Variants in PRELID2 observed in about 807,000 individuals in gnomAD.
The protein encoded by PRELID2 is PRELI domain containing 2.
PRELID2 carries 25 observed loss-of-function variants against 28.4 expected under a neutral mutation model. The observed-to-expected ratio is 0.88, with a 90% confidence interval of 0.64 to 1.23. The LOEUF (loss-of-function observed/expected upper bound fraction) is 1.23. PRELID2 is among the 50% of genes most tolerant of loss of function. The pLI is 0.00. For synonymous variants in PRELID2, 76 were observed against 71.6 expected, an observed-to-expected ratio of 1.06 and a Z score of -0.31; for missense variants, 201 against 214.4, an observed-to-expected ratio of 0.94 and a Z score of 0.39.
chr5:145,536,402 T>C (rs1752698821), intron 1 of PRELID2, among the ~76,000 whole-genome samples: 1 of 151,982 alleles, frequency 6.6e-6, no homozygotes, highest in African/African-American at 2.4e-5. Context: ...TTTTGCTCAT[T>C]TGTATACAAC....
chr5:145,352,463 C>T, the PRELID2 span, among the ~76,000 whole-genome samples: 1 of 152,122 alleles, frequency 6.6e-6, no homozygotes, highest in African/African-American at 2.4e-5. Context: ...CACAGGACAC[C>T]ATGTCCCGAG....
In PRELID2 at chr5:145,574,376, C is replaced by T. The variant is rs145517004; in HGVS notation, n.71-101061G>A. ...CTCCATAATCGTAAGATAATATTTA[C>T]GAAATTTGTCTTGTTATAAGCCACA... On this transcript the variant is annotated intron_variant and non_coding_transcript_variant, in intron 1 of 2. Transcript: ENST00000510259. Among the ~76,000 whole-genome samples the T allele has an allele frequency of 2.3e-4, 35 of 152,274 alleles. No individual in the cohort carries two copies. The East Asian group carries it at 4.8e-3, about 21-fold the overall frequency.
chr5:145,550,658 C>T (rs1482957280), intron 1 of PRELID2, among the ~76,000 whole-genome samples: 1 of 152,102 alleles, frequency 6.6e-6, no homozygotes, highest in Non-Finnish European at 1.5e-5. Flanking sequence ...ATATTTCTAA[C>T]TTTAATGACA....
chr5:145,325,398 G>C, the PRELID2 span, among the ~76,000 whole-genome samples: 1 of 152,148 alleles, frequency 6.6e-6, no homozygotes, highest in Admixed American at 6.5e-5. Flanking sequence ...AGAATCCTGA[G>C]CCAAATATCC....
intron 1 of PRELID2, among the ~76,000 whole-genome samples, chr5:145,489,709 C>G (rs1489975553): frequency 1.3e-5 from 2 of 152,104 alleles, no homozygotes; most frequent in Admixed American, 1.3e-4. Flanking sequence ...ATGATTATTC[C>G]TCATAATCAC....
In PRELID2 at chr5:145,565,303, A is replaced by G. The variant is rs148617212; in HGVS notation, n.71-91988T>C. Among the ~76,000 whole-genome samples, 7 of 152,336 alleles carry G rather than the reference A, an allele frequency of 4.6e-5. No individual in the cohort carries two copies. In the East Asian group the frequency reaches 1.4e-3, roughly 29 times the overall value. On this transcript the variant is annotated intron_variant and non_coding_transcript_variant, in intron 1 of 2. Coordinates refer to the PRELID2 transcript ENST00000510259. ...GTGGCGATCAGGCCTAAGTGACTGA[A>G]TTGCCCTTCCAGGTGATTTGCCCTG...
chr5:145,587,667 G>C (rs1443330001), intron 1 of PRELID2, among the ~76,000 whole-genome samples: 1 of 151,988 alleles, frequency 6.6e-6, no homozygotes, highest in East Asian at 1.9e-4. Flanking sequence ...ATTCCTTGTG[G>C]GCTTCCATTA....
intron 1 of PRELID2, among the ~76,000 whole-genome samples, chr5:145,594,153 C>T (rs1347619154): frequency 6.6e-6 from 1 of 151,992 alleles, no homozygotes; most frequent in Non-Finnish European, 1.5e-5. Context: ...TAGAGGCTTA[C>T]TATGATATTC....
the PRELID2 span, among the ~76,000 whole-genome samples, chr5:145,234,067 T>G: frequency 6.6e-6 from 1 of 152,182 alleles, no homozygotes. Flanking sequence ...TATTCTTAAT[T>G]TGTTGTCAGT....
rs147206248 is a variant in PRELID2 at position 145,523,217 on chromosome 5, T to C, written n.71-49902A>G. Among the ~76,000 whole-genome samples the C allele has an allele frequency of 3.3e-5, 5 of 152,292 alleles. No homozygotes were observed. In the East Asian group the frequency reaches 9.7e-4, roughly 29 times the overall value. On this transcript the variant is annotated intron_variant and non_coding_transcript_variant, in intron 1 of 2. Transcript: ENST00000510259. The stretch of plus-strand genomic sequence containing the variant: ...TGAGAAACATGATGTCAAAGGCACA[T>C]GGGAGAAACGTAAGTCAAATCATCA...
At chr5:145,588,452 C>A (rs80338187) in intron 1 of PRELID2, among the ~76,000 whole-genome samples, 3 of 151,992 alleles carry the variant, frequency 2.0e-5, no homozygotes, top group Admixed American at 6.6e-5. Context: ...TGTCCCAAAT[C>A]GTACTTAAGT....
intron 1 of PRELID2, among the ~76,000 whole-genome samples, chr5:145,611,980 A>G (rs1753623568): frequency 6.6e-6 from 1 of 152,226 alleles, no homozygotes; most frequent in Non-Finnish European, 1.5e-5. Context: ...ACTCAGAGAA[A>G]AACAGACCCA....
chr5:145,827,052 A>C (rs1432036474), intron 1 of PRELID2, among the ~76,000 whole-genome samples: 2 of 152,222 alleles, frequency 1.3e-5, no homozygotes, highest in Admixed American at 6.5e-5. Flanking sequence ...ACAAGGAAGC[A>C]GGTGACTGAC....
chr5:145,811,082 CAAAAAAAAAAAAAA>C (rs56978118), intron 4 of PRELID2, among the ~76,000 whole-genome samples: 1,069 of 26,700 alleles, frequency 0.04, 24 homozygotes, highest in African/African-American at 0.12. Flanking sequence ...TGGCAGCAGG[CAAAAAAAAAAAAAA>C]AAAAAAAAAA....
chr5:145,579,097 T>C (rs1453988723), intron 1 of PRELID2, among the ~76,000 whole-genome samples: 1 of 152,046 alleles, frequency 6.6e-6, no homozygotes, highest in Non-Finnish European at 1.5e-5. Flanking sequence ...AATAGGAGAA[T>C]ACTCTGAATA....
intron 1 of PRELID2, among the ~76,000 whole-genome samples, chr5:145,656,960 A>G (rs993331099): frequency 6.6e-6 from 1 of 152,190 alleles, no homozygotes; most frequent in Admixed American, 6.5e-5. Flanking sequence ...TCCTTAGCCT[A>G]TCTCACATGT....
the PRELID2 span, among the ~76,000 whole-genome samples, chr5:145,436,435 T>C: frequency 6.6e-6 from 1 of 152,150 alleles, no homozygotes; most frequent in Non-Finnish European, 1.5e-5. Flanking sequence ...TTTACATTCC[T>C]TTGGATATAT....
the PRELID2 span, among the ~76,000 whole-genome samples, chr5:145,295,819 A>C: frequency 6.6e-6 from 1 of 152,186 alleles, no homozygotes; most frequent in African/African-American, 2.4e-5. Flanking sequence ...ATTAATAAAC[A>C]AAACAAGTAG....
chr5:145,763,136 T>C (rs966440294), intron 6 of PRELID2, among the ~76,000 whole-genome samples: 1 of 152,202 alleles, frequency 6.6e-6, no homozygotes, highest in East Asian at 1.9e-4. Flanking sequence ...GTGTATACCT[T>C]TCCCATGGAA....
Sources: allele counts gnomAD v4.1 joint callset (sites outside exome capture counted in the v4.1 genomes callset), GRCh38; gene constraint gnomAD v4.1.1; transcripts MANE v1.5; gene names NCBI Gene and HGNC (gene_info 2026-07-23, HGNC 2026-07-21).